Variants in HEY2 observed in about 807,000 individuals in gnomAD.
HEY2 encodes the protein hairy/enhancer-of-split related with YRPW motif protein 2.
A neutral mutation model predicts 18.1 loss-of-function variants in HEY2; 10 were observed. That is an observed-to-expected ratio of 0.55 (90% confidence interval 0.34 to 0.94). The LOEUF is 0.94. Ranked by LOEUF, HEY2 falls within the 40% of genes least tolerant of loss-of-function variation. The probability of loss-of-function intolerance (pLI) is 0.02; values close to 1 mark genes in which losing one functional copy is unlikely to be tolerated. For synonymous variants in HEY2, 210 were observed against 182.7 expected (o/e 1.15, Z -1.21); for missense variants, 455 against 455.9 (o/e 1.00, Z 0.02).
Position 125,760,481 on chromosome 6 carries a change from A to T in HEY2, c.*679A>T, listed in dbSNP as rs1773777479. Reference sequence around the variant, plus strand: ...GTGACATTTAGCAGTGCATTGGTATAAGCAATTATTTCATCAGTTCTCAGA... The same window carrying T: ...GTGACATTTAGCAGTGCATTGGTATTAGCAATTATTTCATCAGTTCTCAGA... On this transcript the variant is annotated 3_prime_UTR_variant, in exon 5 of 5. Transcript: ENST00000368364. 6.6e-6 allele frequency: 1 copy of T among 152,210 alleles called. No individual in the cohort carries two copies. Among genetic ancestry groups the T allele is most frequent in the Non-Finnish European group, 1.5e-5 (1 of 68,058 alleles). The allele number at this position is 152,210 out of a possible 1,614,324, so 9.4% of individuals were successfully genotyped here. A position where few individuals can be genotyped will look rare whatever the true frequency, so the allele number is the denominator to read the frequency against.
rs1159814248 is a variant in HEY2, at chr6:125,749,666, G to A, written c.-111G>A. On this transcript the variant is annotated 5_prime_UTR_variant, in exon 1 of 5. Transcript: ENST00000368364. ...GCTAGGAGCAGACCGCGCCGCCGCC[G>A]GAGCCGCGCCTGCCCAGGCCCGGGG... 1.7e-5 allele frequency: 11 copies of A among 637,914 alleles called. No homozygotes were observed. The highest frequency in any genetic ancestry group is 2.7e-5 in the Non-Finnish European group (11 of 412,716). 39.5% of individuals were successfully genotyped at this position (637,914 alleles called of 1,614,324 possible).
chr6:125,752,607 C>T (rs145842756), intron 3 of HEY2, among the ~76,000 whole-genome samples: 1 of 152,082 alleles, frequency 6.6e-6, no homozygotes, highest in African/African-American at 2.4e-5. Flanking sequence ...TGGTAGAATG[C>T]CATTTGATTT....
At position 125,759,168 on chromosome 6, in the gene HEY2, G is replaced by A. The variant is rs1162070691; in HGVS notation, c.380G>A (p.Arg127Gln). ...LAMDFMSIGF[R>Q]ECLTEVARYL... ...ATGGACTTCATGAGCATAGGATTCC[G>A]AGAGTGCCTAACAGAAGTTGCGCGG... Residue 127 changes from arginine to glutamine, a missense_variant, in exon 5 of 5, where the codon CGA becomes CAA. By Grantham distance (43) the Arg-to-Gln change is conservative. Coordinates refer to ENST00000368364, the MANE Select transcript of HEY2 (RefSeq NM_012259.3). 2 of 1,613,310 alleles carry A rather than the reference G, an allele frequency of 1.2e-6. No individual in the cohort carries two copies. Among genetic ancestry groups the A allele is most frequent in the Non-Finnish European group, 1.7e-6 (2 of 1,179,764 alleles).
rs866204543 is a variant in HEY2, at chr6:125,759,641, G to A, written c.853G>A (p.Ala285Thr). 5.0e-6 allele frequency: 8 copies of A among 1,610,942 alleles called. No individual in the cohort carries two copies. Among genetic ancestry groups the A allele is most frequent in the Non-Finnish European group, 5.9e-6 (7 of 1,179,954 alleles). Reference sequence around the variant, plus strand: ...CAGCTTCCCTCTGTCCTTCGCGGGGGCATTCCCCATGCTTCCCCCAAACGC... The same window carrying A: ...CAGCTTCCCTCTGTCCTTCGCGGGGACATTCCCCATGCTTCCCCCAAACGC... ...AHSFPLSFAGAFPMLPPNAAA... is the reference protein window; with the variant it reads ...AHSFPLSFAGTFPMLPPNAAA... Residue 285 changes from alanine (A) to threonine (T), a missense_variant, in exon 5 of 5, where the codon GCA becomes ACA. By Grantham distance (58) the Ala-to-Thr change is moderately conservative (BLOSUM62 0). Transcript: ENST00000368364.
At chr6:125,751,960 A>C (rs778569906) in intron 2 of HEY2, 47 bp from the exon 3 acceptor site, 1 of 1,591,490 alleles carries the variant, frequency 6.3e-7, no homozygotes, top group Non-Finnish European at 8.6e-7. Flanking sequence ...GAGTAATTTT[A>C]TCATTTGTGA....
intron 1 of HEY2, chr6:125,750,469 T>A: frequency 1.1e-6 from 1 of 899,788 alleles, no homozygotes; most frequent in South Asian, 5.1e-5. Context: ...AAGCCAGACC[T>A]CCACTTTCCT....
At chr6:125,755,988 A>G (rs1482788699) in intron 4 of HEY2, among the ~76,000 whole-genome samples, 1 of 152,174 alleles carries the variant, frequency 6.6e-6, no homozygotes, top group African/African-American at 2.4e-5. Flanking sequence ...CTACAAGAAA[A>G]TTTGTTTGAT....
rs1401371398 is a variant in HEY2, at chr6:125,760,355, C to G, written c.*553C>G. The G allele has an allele frequency of 6.5e-6, 1 of 153,226 alleles. No homozygotes were observed. The highest frequency in any genetic ancestry group is 1.5e-5 in the Non-Finnish European group (1 of 68,812). 9.5% of individuals were successfully genotyped at this position (153,226 alleles called of 1,614,324 possible). ...GCCAGAGAAGAGTATTCTGCTGAAA[C>G]CAACAGGTTTTACTGGTCAAAATGA... On this transcript the variant is annotated 3_prime_UTR_variant, in exon 5 of 5. Coordinates refer to ENST00000368364, the MANE Select transcript of HEY2 (RefSeq NM_012259.3).
intron 3 of HEY2, among the ~76,000 whole-genome samples, chr6:125,753,860 TG>T (rs1305133500): frequency 1.3e-5 from 2 of 152,162 alleles, no homozygotes; most frequent in Admixed American, 1.3e-4. Context: ...TGGTAATTAT[TG>T]GGGAAAAAAA....
intron 3 of HEY2, among the ~76,000 whole-genome samples, chr6:125,752,430 A>AAC (rs1213122981): frequency 2.7e-4 from 41 of 150,468 alleles, no homozygotes; most frequent in African/African-American, 1.0e-3. Flanking sequence ...TATCCTTCAA[A>AAC]AAAAAAAAAA....
At chr6:125,758,480 T>A (rs540519632) in intron 4 of HEY2, among the ~76,000 whole-genome samples, 72 of 152,356 alleles carry the variant, frequency 4.7e-4, no homozygotes, top group African/African-American at 1.2e-3. Flanking sequence ...AAATTTTTTT[T>A]AAAAACTCAT....
chr6:125,759,879 G>T lies in HEY2; in HGVS notation c.*77G>T. On this transcript the variant is annotated 3_prime_UTR_variant, in exon 5 of 5. Transcript: ENST00000368364. ...CAGCTTAAAACCTCTGCACCCTGAA[G>T]GTAGCCATACAGATGCCGACAGATC... 8.2e-7 allele frequency: 1 copy of T among 1,224,320 alleles called. No individual in the cohort carries two copies. The highest frequency in any genetic ancestry group is 2.1e-5 in the Admixed American group (1 of 48,350). 75.8% of individuals were successfully genotyped at this position (1,224,320 alleles called of 1,614,324 possible). A position where few individuals can be genotyped will look rare whatever the true frequency, so the allele number is the denominator to read the frequency against.
At chr6:125,749,908 A>G in intron 1 of HEY2, 49 bp downstream of exon 1, 2 of 1,424,466 alleles carry the variant, frequency 1.4e-6, no homozygotes, top group Non-Finnish European at 1.9e-6. Context: ...AGCTTGGGGT[A>G]GCTTTGTGAA....
chr6:125,759,724 G>A lies in HEY2; in HGVS notation c.936G>A (p.Thr312=), dbSNP rs201084537. ...AISPPLSVSA[T]SSPQQTSSGT... is the part of the protein sequence containing the mutation. ...GCCCGCCCTTGTCAGTATCAGCCAC[G>A]TCCAGTCCTCAGCAGACCAGCAGTG... Residue 312 remains threonine (T), a synonymous_variant, in exon 5 of 5, where the codon ACG becomes ACA. Coordinates refer to ENST00000368364, the MANE Select transcript of HEY2 (RefSeq NM_012259.3). The A allele has an allele frequency of 4.3e-6, 7 of 1,613,432 alleles. No individual in the cohort carries two copies. Among genetic ancestry groups the A allele is most frequent in the Non-Finnish European group, 5.1e-6 (6 of 1,180,034 alleles).
At chr6:125,751,358 C>T (rs1661388045) in intron 1 of HEY2, among the ~76,000 whole-genome samples, 1 of 152,196 alleles carries the variant, frequency 6.6e-6, no homozygotes, top group Middle Eastern at 3.2e-3. Context: ...GACGACTGCA[C>T]ATCTGTTTGA....
In HEY2 at chr6:125,759,477, C is replaced by T. The variant is rs568746911; in HGVS notation, c.689C>T (p.Thr230Met). 2 of 1,611,548 alleles carry T rather than the reference C, an allele frequency of 1.2e-6. No individual in the cohort carries two copies. The highest frequency in any genetic ancestry group is 1.7e-6 in the Non-Finnish European group (2 of 1,179,980). ...CACGGCTCTGCTCTCCTCACGGCCA[C>T]GTTTGCCCATGCGGATTCAGCCCTC... ...PAHGSALLTA[T>M]FAHADSALRM... The change falls in exon 5 of 5, where the codon ACG becomes ATG. Residue 230 changes from threonine to methionine, a missense_variant. Physicochemically the swap from Thr to Met is moderately conservative, Grantham distance 81. Transcript: ENST00000368364.
In HEY2 at chr6:125,761,211, A is replaced by G. The variant is rs1255585180; in HGVS notation, c.*1409A>G. 6.6e-6 allele frequency: 1 copy of G among 152,628 alleles called. No homozygotes were observed. Among genetic ancestry groups the G allele is most frequent in the Non-Finnish European group, 1.5e-5 (1 of 68,024 alleles). The allele number at this position is 152,628 out of a possible 1,614,324, so 9.5% of individuals were successfully genotyped here. A position where few individuals can be genotyped will look rare whatever the true frequency, so the allele number is the denominator to read the frequency against. The stretch of plus-strand genomic sequence containing the variant: ...CTAGTCTTTTTTGCATTACTTTGTA[A>G]CCTTTTTCTATGCAAGAGTCTTTAC... On this transcript the variant is annotated 3_prime_UTR_variant, in exon 5 of 5. Coordinates refer to ENST00000368364, the MANE Select transcript of HEY2 (RefSeq NM_012259.3).
rs1018686581 is a variant in HEY2 at position 125,759,616 on chromosome 6, C to T, written c.828C>T (p.His276=). The T allele has an allele frequency of 6.2e-7, 1 of 1,610,900 alleles. No individual in the cohort carries two copies. The highest frequency in any genetic ancestry group is 1.7e-5 in the Admixed American group (1 of 60,014). ...CCGCAGCAGCCACCGCGGCTGCACA[C>T]AGCTTCCCTCTGTCCTTCGCGGGGG... ...AAAAAATAAA[H]SFPLSFAGAF... The change falls in exon 5 of 5, where the codon CAC becomes CAT. Residue 276 remains histidine (H), a synonymous_variant. Coordinates refer to ENST00000368364, the MANE Select transcript of HEY2 (RefSeq NM_012259.3).
rs1583192024 is a variant in HEY2, at chr6:125,759,765, C to T, written c.977C>T (p.Pro326Leu). 4 of 1,614,010 alleles carry T rather than the reference C, an allele frequency of 2.5e-6. No homozygotes were observed. The highest frequency in any genetic ancestry group is 3.4e-6 in the Non-Finnish European group (4 of 1,180,042). Reference protein sequence around the residue: ...QQTSSGTNNKPYRPWGTEVGA... With the variant: ...QQTSSGTNNKLYRPWGTEVGA... ...ACCAGCAGTGGAACAAACAATAAAC[C>T]TTACCGACCCTGGGGGACAGAAGTT... The change falls in exon 5 of 5, where the codon CCT (proline) becomes CTT (leucine). Residue 326 changes from proline to leucine, a missense_variant. By Grantham distance (98) the Pro-to-Leu change is moderately conservative. Transcript: ENST00000368364.
Sources: gnomAD v4.1 joint callset for allele counts (sites outside exome capture counted in the v4.1 genomes callset) on GRCh38, gnomAD v4.1.1 for gene constraint, MANE v1.5 for transcripts, NCBI Gene and HGNC (gene_info 2026-07-23, HGNC 2026-07-21) for gene names.